The following USP12 variants were observed in gnomAD, a reference collection of about 807,000 sequenced individuals.
The protein encoded by USP12 is ubiquitin carboxyl-terminal hydrolase 12.
In USP12, 19 loss-of-function variants were observed where a neutral mutation model predicts 45.5. The ratio of observed to expected loss-of-function variants is 0.42; its 90% confidence interval spans 0.29 to 0.61. The LOEUF (loss-of-function observed/expected upper bound fraction) is 0.61, where lower values mean the gene tolerates loss of function less well. USP12 is among the 20% of genes least tolerant of loss of function. USP12 has a pLI of 0.22. For synonymous variants in USP12, 149 were observed against 148.8 expected (o/e 1.00, Z -0.01); for missense variants, 242 against 447.7 (o/e 0.54, Z 4.15).
chr13:27,074,985 TA>T (rs1443477765), intron 7 of USP12, among the ~76,000 whole-genome samples: 3 of 151,936 alleles, frequency 2.0e-5, no homozygotes, highest in African/African-American at 7.2e-5. Flanking sequence ...TAATAAATAA[TA>T]AAAATAAAAA....
At chr13:27,071,249 C>G (rs993168094) in intron 7 of USP12, 100 bp from the exon 8 acceptor site, 2 of 1,041,548 alleles carry the variant, frequency 1.9e-6, no homozygotes, top group Non-Finnish European at 2.7e-6. Flanking sequence ...AGATAAATAG[C>G]AGTAAAAAAG....
chr13:27,147,983 C>T (rs1029848221), intron 1 of USP12, among the ~76,000 whole-genome samples: 1 of 151,872 alleles, frequency 6.6e-6, no homozygotes, highest in African/African-American at 2.4e-5. Flanking sequence ...TAAAAATTAG[C>T]CAGGCGTGGT....
chr13:27,164,993 T>C (rs1437955875), intron 1 of USP12, among the ~76,000 whole-genome samples: 1 of 149,858 alleles, frequency 6.7e-6, no homozygotes, highest in Non-Finnish European at 1.5e-5. Context: ...TGAAAGAAAA[T>C]AAGTCCTGAA....
At chr13:27,171,128 C>T (rs1321726760) in intron 1 of USP12, among the ~76,000 whole-genome samples, 2 of 150,426 alleles carry the variant, frequency 1.3e-5, no homozygotes, top group African/African-American at 4.9e-5. Flanking sequence ...CGGCGCGCGA[C>T]CAGAAGGAAA....
chr13:27,127,273 A>G (rs1489565450), intron 1 of USP12, among the ~76,000 whole-genome samples: 1 of 152,236 alleles, frequency 6.6e-6, no homozygotes, highest in East Asian at 1.9e-4. Context: ...TGTGGTACAC[A>G]TGGCAGAAGC....
rs117378110 is a variant in USP12, at chr13:27,097,937, A to C, written c.344-2107T>G. On this transcript the variant is annotated intron_variant, in intron 3 of 8. Transcript: ENST00000282344. Reference sequence around the variant, plus strand: ...TGACTCAAATCTAAACATGAAATTCATTTGTTTCATATACACCTTATAGCC... The same window carrying C: ...TGACTCAAATCTAAACATGAAATTCCTTTGTTTCATATACACCTTATAGCC... Among the ~76,000 whole-genome samples, 394 of 150,340 alleles carry C rather than the reference A, an allele frequency of 2.6e-3. 5 individuals carry two copies. In the East Asian group the frequency reaches 0.042, roughly 16 times the overall value.
intron 3 of USP12, among the ~76,000 whole-genome samples, chr13:27,101,057 A>G (rs1257410645): frequency 6.6e-6 from 1 of 152,240 alleles, no homozygotes; most frequent in East Asian, 1.9e-4. Flanking sequence ...ATGCTCTTTT[A>G]ACACAGAGCA....
At position 27,129,020 on chromosome 13, in the gene USP12, C is replaced by G. The variant is rs967509152; in HGVS notation, c.49-12424G>C. On this transcript the variant is annotated intron_variant, in intron 1 of 8. Transcript: ENST00000282344. This position sits in a 1 kb window ranked among gnomAD's most constrained non-coding sequence, Gnocchi z 4.0. ...ATACTCCAGATTCCATATGCAGACT[C>G]TGACTCACCCTAATAAAAAGCAAAT... is the stretch of plus-strand genomic sequence containing the variant. Among the ~76,000 whole-genome samples the G allele has an allele frequency of 6.6e-6, 1 of 152,206 alleles. No individual in the cohort carries two copies. Among genetic ancestry groups the G allele is most frequent in the Non-Finnish European group, 1.5e-5 (1 of 68,036 alleles).
At chr13:27,103,336 A>G (rs899980075) in intron 3 of USP12, among the ~76,000 whole-genome samples, 11 of 152,160 alleles carry the variant, frequency 7.2e-5, no homozygotes, top group African/African-American at 2.7e-4. Flanking sequence ...TCAAGGGAAA[A>G]TTCAAAAGCC....
At chr13:27,074,842 T>C (rs779294321) in intron 7 of USP12, among the ~76,000 whole-genome samples, 2 of 152,182 alleles carry the variant, frequency 1.3e-5, no homozygotes, top group African/African-American at 4.8e-5. Context: ...ACCATTGATA[T>C]GCTGAACATA....
At position 27,075,313 on chromosome 13, in the gene USP12, T is replaced by C. The variant is rs752169828; in HGVS notation, c.810A>G (p.Arg270=). The C allele has an allele frequency of 1.2e-6, 2 of 1,614,160 alleles. No individual in the cohort carries two copies. Among genetic ancestry groups the C allele is most frequent in the Admixed American group, 1.7e-5 (1 of 60,024 alleles). Residue 270 remains arginine (R), a synonymous_variant, in exon 7 of 9, where the codon CGA becomes CGG. Transcript: ENST00000282344. ...CTACCCGGTAAGAGAGTTTTGTATA[T>C]CGATGAAGTTGATCCATATATTTAA... The part of the protein sequence containing the change: ...KRFKYMDQLH[R]YTKLSYRVVF...
chr13:27,116,225 T>C (rs1287495630), intron 2 of USP12, among the ~76,000 whole-genome samples: 3 of 145,640 alleles, frequency 2.1e-5, no homozygotes, highest in Non-Finnish European at 4.5e-5. Flanking sequence ...GGCAGGAGAA[T>C]GGCGTGAACC....
chr13:27,139,237 C>G (rs565540988), intron 1 of USP12, among the ~76,000 whole-genome samples: 1 of 152,344 alleles, frequency 6.6e-6, no homozygotes, highest in East Asian at 1.9e-4. Flanking sequence ...TAATTAATTT[C>G]TATAATGCTG....
chr13:27,069,087 T>C lies in USP12; in HGVS notation c.*196A>G. ...GTATGGAACTGTACAGACAGCATGATACCTGAGCAAATAAATCAACTACCA... is the reference window on the plus strand; with the variant it reads ...GTATGGAACTGTACAGACAGCATGACACCTGAGCAAATAAATCAACTACCA... On this transcript the variant is annotated 3_prime_UTR_variant, in exon 9 of 9. Transcript: ENST00000282344. 3 of 610,174 alleles carry C rather than the reference T, an allele frequency of 4.9e-6. No individual in the cohort carries two copies. The highest frequency in any genetic ancestry group is 2.9e-6 in the Non-Finnish European group (1 of 344,754). The allele number at this position is 610,174 out of a possible 1,614,324, so 37.8% of individuals were successfully genotyped here. A position where few individuals can be genotyped will look rare whatever the true frequency, so the allele number is the denominator to read the frequency against.
chr13:27,106,926 AG>A (rs1422127196), intron 2 of USP12, among the ~76,000 whole-genome samples: 6 of 152,260 alleles, frequency 3.9e-5, no homozygotes, highest in Non-Finnish European at 8.8e-5. Flanking sequence ...ATTTAATGGT[AG>A]AAATAAAGAG....
At chr13:27,083,509 A>G (rs1450140309) in intron 6 of USP12, among the ~76,000 whole-genome samples, 1 of 152,102 alleles carries the variant, frequency 6.6e-6, no homozygotes, top group African/African-American at 2.4e-5. Flanking sequence ...ATCCTTTCTC[A>G]TTACAGTTCC....
intron 1 of USP12, among the ~76,000 whole-genome samples, chr13:27,156,139 A>G (rs879686051): frequency 1.3e-5 from 2 of 152,074 alleles, no homozygotes; most frequent in Admixed American, 1.3e-4. Context: ...CATTATAAAG[A>G]GACACGACAT....
Position 27,171,729 on chromosome 13 carries a change from G to T in USP12, c.-90C>A. 2 of 873,484 alleles carry T rather than the reference G, an allele frequency of 2.3e-6. No homozygotes were observed. The highest frequency in any genetic ancestry group is 1.4e-6 in the Non-Finnish European group (1 of 699,928). The allele number at this position is 873,484 out of a possible 1,614,324, so 54.1% of individuals were successfully genotyped here. A position where few individuals can be genotyped will look rare whatever the true frequency, so the allele number is the denominator to read the frequency against. Reference sequence around the variant, plus strand: ...GCCGCCCGCTCGCACCGCAGCCCGCGGGCGGACCCCGAGCCGCCGCGGACC... The same window carrying T: ...GCCGCCCGCTCGCACCGCAGCCCGCTGGCGGACCCCGAGCCGCCGCGGACC... On this transcript the variant is annotated 5_prime_UTR_variant, in exon 1 of 9. Transcript: ENST00000282344.
intron 1 of USP12, among the ~76,000 whole-genome samples, chr13:27,153,710 G>GT (rs1197700428): frequency 2.6e-5 from 4 of 151,936 alleles, no homozygotes; most frequent in African/African-American, 9.7e-5. Flanking sequence ...CCAAAAAGAC[G>GT]TATCTTCCTT....
Sources: gnomAD v4.1 joint callset for allele counts (sites outside exome capture counted in the v4.1 genomes callset) on GRCh38, gnomAD v4.1.1 for gene constraint, Gnocchi (gnomAD v3.1) non-coding constraint, MANE v1.5 for transcripts, NCBI Gene and HGNC (gene_info 2026-07-23, HGNC 2026-07-21) for gene names.